The following HS3ST4 variants were observed in gnomAD, a reference collection of about 807,000 sequenced individuals.
HS3ST4 encodes heparan sulfate-glucosamine 3-sulfotransferase 4.
Under a neutral mutation model 29.2 loss-of-function variants are expected in HS3ST4, and 17 were observed. That is an observed-to-expected ratio of 0.58 (90% CI 0.40 to 0.87). HS3ST4 has a LOEUF of 0.87. Ranked by LOEUF, HS3ST4 falls within the 40% of genes least tolerant of loss-of-function variation. The probability of loss-of-function intolerance (pLI) is 0.00; values close to 1 mark genes in which losing one functional copy is unlikely to be tolerated. For synonymous variants in HS3ST4, 314 were observed against 285.7 expected, an observed-to-expected ratio of 1.10 and a Z score of -1.00; for missense variants, 627 against 634.5, an observed-to-expected ratio of 0.99 and a Z score of 0.13.
intron 1 of HS3ST4, among the ~76,000 whole-genome samples, chr16:25,920,871 G>A (rs1488979854): frequency 6.6e-6 from 1 of 152,012 alleles, no homozygotes; most frequent in African/African-American, 2.4e-5. Context: ...GCCTGCCTTG[G>A]CCTCCCAAAA....
At chr16:26,038,338 C>A (rs1205535227) in intron 1 of HS3ST4, among the ~76,000 whole-genome samples, 1 of 151,348 alleles carries the variant, frequency 6.6e-6, no homozygotes, top group East Asian at 2.0e-4. Flanking sequence ...TTATTGTCCC[C>A]AATAACACTT....
intron 1 of HS3ST4, among the ~76,000 whole-genome samples, chr16:26,106,113 A>G (rs1201389671): frequency 6.6e-6 from 1 of 152,222 alleles, no homozygotes; most frequent in African/African-American, 2.4e-5. Context: ...GCCTGTGTCC[A>G]CAGAGCTTCC....
At chr16:25,745,940 C>A (rs1285099659) in intron 1 of HS3ST4, among the ~76,000 whole-genome samples, 1 of 152,186 alleles carries the variant, frequency 6.6e-6, no homozygotes, top group Non-Finnish European at 1.5e-5. Flanking sequence ...TATTGAAACA[C>A]AATGTCCACT....
chr16:25,704,516 G>A (rs1966360444), intron 1 of HS3ST4, among the ~76,000 whole-genome samples: 1 of 152,088 alleles, frequency 6.6e-6, no homozygotes, highest in South Asian at 2.1e-4. Flanking sequence ...CTGGAGTACA[G>A]TGGCATGATC....
intron 1 of HS3ST4, among the ~76,000 whole-genome samples, chr16:25,987,363 G>A (rs1169769906): frequency 1.3e-5 from 2 of 150,600 alleles, no homozygotes; most frequent in Non-Finnish European, 2.9e-5. Flanking sequence ...AAAAAAAAAA[G>A]CAATACTTCT....
chr16:26,055,565 A>G (rs927855083), intron 1 of HS3ST4, among the ~76,000 whole-genome samples: 9 of 152,152 alleles, frequency 5.9e-5, no homozygotes, highest in Non-Finnish European at 1.3e-4. Flanking sequence ...GTTACTCACT[A>G]ATCTAGCTAA....
At chr16:25,888,646 A>G (rs1380396021) in intron 1 of HS3ST4, among the ~76,000 whole-genome samples, 1 of 152,182 alleles carries the variant, frequency 6.6e-6, no homozygotes, top group Non-Finnish European at 1.5e-5. Flanking sequence ...CCTTGGAGCT[A>G]GATTTGGGTT....
chr16:25,913,188 A>T (rs1968257428), intron 1 of HS3ST4, among the ~76,000 whole-genome samples: 3 of 152,168 alleles, frequency 2.0e-5, no homozygotes, highest in African/African-American at 7.2e-5. Flanking sequence ...AAATTCCCGG[A>T]TACTGATGCT....
At chr16:25,976,463 G>A (rs377404004) in intron 1 of HS3ST4, among the ~76,000 whole-genome samples, 3 of 152,108 alleles carry the variant, frequency 2.0e-5, no homozygotes, top group African/African-American at 7.2e-5. Context: ...GTACCACCAT[G>A]CCCATCTCAG....
intron 1 of HS3ST4, among the ~76,000 whole-genome samples, chr16:25,971,673 C>A (rs1175305943): frequency 1.3e-5 from 2 of 152,184 alleles, no homozygotes; most frequent in Non-Finnish European, 2.9e-5. Context: ...TGCCTGTAAT[C>A]CCAGAACTTT....
chr16:26,008,592 G>T (rs548591292), intron 1 of HS3ST4, among the ~76,000 whole-genome samples: 1 of 152,328 alleles, frequency 6.6e-6, no homozygotes, highest in East Asian at 1.9e-4. Flanking sequence ...GCCAAGGTAG[G>T]TGGATCACTT....
At chr16:25,895,887 G>C (rs1310035477) in intron 1 of HS3ST4, among the ~76,000 whole-genome samples, 1 of 152,128 alleles carries the variant, frequency 6.6e-6, no homozygotes, top group Non-Finnish European at 1.5e-5. Flanking sequence ...TTCAATATCT[G>C]AATTTCAAGG....
At chr16:25,877,695 T>C (rs778879927) in intron 1 of HS3ST4, among the ~76,000 whole-genome samples, 6 of 151,450 alleles carry the variant, frequency 4.0e-5, no homozygotes, top group East Asian at 2.0e-4. Context: ...CCCAGAGCTA[T>C]GAGATAAGAA....
intron 1 of HS3ST4, among the ~76,000 whole-genome samples, chr16:25,965,069 A>G (rs537140974): frequency 3.0e-4 from 46 of 152,286 alleles, no homozygotes; most frequent in African/African-American, 1.0e-3. Flanking sequence ...ACATTGTAAC[A>G]GATAAAAAAG....
chr16:25,921,748 GT>G (rs973083854), intron 1 of HS3ST4, among the ~76,000 whole-genome samples: 89 of 144,470 alleles, frequency 6.2e-4, no homozygotes, highest in East Asian at 3.6e-3. Context: ...TCTCTTCTAA[GT>G]TTTTTTTTTC....
chr16:25,877,921 A>G lies in HS3ST4; in HGVS notation c.734+184770A>G, dbSNP rs192010454. 1.2e-4 allele frequency among the ~76,000 whole-genome samples: 18 copies of G among 152,252 alleles called. No homozygotes were observed. The East Asian group carries it at 3.1e-3, about 26-fold the overall frequency. On this transcript the variant is annotated intron_variant, in intron 1 of 1. Transcript: ENST00000331351. ...GTGGTAATGATCAAAACAGTGTCCT[A>G]TTATCTCAGGAGCTTCCAGTCTGGG...
At chr16:26,003,385 C>T (rs557350647) in intron 1 of HS3ST4, among the ~76,000 whole-genome samples, 1 of 152,276 alleles carries the variant, frequency 6.6e-6, no homozygotes, top group Non-Finnish European at 1.5e-5. Context: ...GAAGTGTTAG[C>T]TAATTTTCTC....
chr16:25,872,428 T>A (rs531151272), intron 1 of HS3ST4, among the ~76,000 whole-genome samples: 1 of 152,342 alleles, frequency 6.6e-6, no homozygotes, highest in African/African-American at 2.4e-5. Context: ...TGGGTGGTTC[T>A]TCTGTTTGTG....
chr16:25,765,364 A>G (rs1966811632), intron 1 of HS3ST4, among the ~76,000 whole-genome samples: 1 of 152,216 alleles, frequency 6.6e-6, no homozygotes. Context: ...GTCAAGACCC[A>G]ATCGCCAGGA....
Sources: allele counts gnomAD v4.1 joint callset (sites outside exome capture counted in the v4.1 genomes callset), GRCh38; gene constraint gnomAD v4.1.1; transcripts MANE v1.5; gene names NCBI Gene and HGNC (gene_info 2026-07-23, HGNC 2026-07-21).